PDXDC1: variants seen among roughly 807,000 people sequenced by gnomAD.
PDXDC1 encodes the protein pyridoxal-dependent decarboxylase domain-containing protein 1.
A neutral mutation model predicts 100.1 loss-of-function variants in PDXDC1; 42 were observed. That is an observed-to-expected ratio of 0.42 (90% CI 0.33 to 0.54). The LOEUF is 0.54. PDXDC1 is among the 20% of genes least tolerant of loss of function. The probability of loss-of-function intolerance (pLI) is 0.10; values close to 1 mark genes in which losing one functional copy is unlikely to be tolerated. For missense variants in PDXDC1, 636 were observed against 979.2 expected, an observed-to-expected ratio of 0.65 and a Z score of 4.68; for synonymous variants, 260 against 371.7, an observed-to-expected ratio of 0.70 and a Z score of 3.46.
At chr16:15,005,214 C>A (rs1296115991) in intron 5 of PDXDC1, among the ~76,000 whole-genome samples, 1 of 151,968 alleles carries the variant, frequency 6.6e-6, no homozygotes, top group Non-Finnish European at 1.5e-5. Context: ...AAAAAATTAG[C>A]CGGGCGTGGT....
At chr16:15,077,388 G>C (rs868333406) in intron 16 of PDXDC1, among the ~76,000 whole-genome samples, 3 of 152,046 alleles carry the variant, frequency 2.0e-5, no homozygotes, top group Non-Finnish European at 4.4e-5. Context: ...TACTGTTCTC[G>C]TGATAGTGAA....
chr16:15,133,728 A>C, intron 16 of PDXDC1: 1 of 1,604,718 alleles, frequency 6.2e-7, no homozygotes, highest in South Asian at 1.1e-5. Flanking sequence ...CCATGGCATC[A>C]CGGGAGGGCT....
chr16:15,147,146 G>T, the PDXDC1 span, among the ~76,000 whole-genome samples: 1 of 146,948 alleles, frequency 6.8e-6, no homozygotes, highest in East Asian at 2.0e-4. Context: ...GGGAGAGGTG[G>T]GAGGGGCTGG....
chr16:15,040,307 C>T (rs1567754853), downstream of PDXDC1: 2 of 408,190 alleles, frequency 4.9e-6, no homozygotes, highest in Non-Finnish European at 8.6e-6. Flanking sequence ...CCAAGAGCTG[C>T]TTTCCACATG....
chr16:15,084,429 G>A (rs1207655581), intron 16 of PDXDC1, among the ~76,000 whole-genome samples: 2 of 151,828 alleles, frequency 1.3e-5, no homozygotes, highest in African/African-American at 4.8e-5. Flanking sequence ...ATTGGGGGAG[G>A]ATCTGCATAC....
intron 16 of PDXDC1, chr16:15,128,306 G>A (rs774990312): frequency 6.8e-6 from 11 of 1,610,160 alleles, no homozygotes; most frequent in Admixed American, 1.7e-5. Context: ...CTGTTGCGGT[G>A]GAAGGCTCTG....
chr16:15,029,824 A>G, intron 15 of PDXDC1, 127 bp from the exon 16 acceptor site: 1 of 748,120 alleles, frequency 1.3e-6, no homozygotes, highest in South Asian at 1.8e-5. Context: ...AAGTAATCAG[A>G]CAGTCAAAAG....
chr16:15,038,950 G>C (rs765285328), downstream of PDXDC1, among the ~76,000 whole-genome samples: 1 of 152,290 alleles, frequency 6.6e-6, no homozygotes, highest in Non-Finnish European at 1.5e-5. Context: ...GTGAAAACTT[G>C]AGGCTCAGAG....
In PDXDC1 at chr16:15,037,174, T is replaced by G. The variant is rs756238355; in HGVS notation, c.*899T>G. The G allele has an allele frequency of 2.0e-5, 3 of 152,120 alleles. No homozygotes were observed. Among genetic ancestry groups the G allele is most frequent in the Non-Finnish European group, 4.4e-5 (3 of 68,036 alleles). 9.4% of individuals were successfully genotyped at this position (152,120 alleles called of 1,614,324 possible). On this transcript the variant is annotated 3_prime_UTR_variant, in exon 23 of 23. Transcript: ENST00000396410. ...CCCTGGCAGCTCGCCTGGGCCCAAC[T>G]CAGAAACAGGAGCCAGCAGAGCACT...
intron 1 of PDXDC1, among the ~76,000 whole-genome samples, chr16:14,983,777 A>G (rs1389035070): frequency 1.3e-5 from 2 of 152,282 alleles, no homozygotes; most frequent in East Asian, 3.8e-4. Flanking sequence ...AAAATTGAGG[A>G]ACCGTTTACT....
intron 16 of PDXDC1, among the ~76,000 whole-genome samples, chr16:15,115,002 C>G (rs2047195527): frequency 6.9e-6 from 1 of 144,022 alleles, no homozygotes; most frequent in African/African-American, 2.6e-5. Flanking sequence ...GTGGTGCAAT[C>G]TCGGCTCGCT....
At chr16:15,104,384 G>A (rs781563081) in intron 16 of PDXDC1, 1 of 1,596,510 alleles carries the variant, frequency 6.3e-7, no homozygotes, top group East Asian at 2.2e-5. Context: ...AGGGTGGAAG[G>A]GGAGTGAGCA....
intron 8 of PDXDC1, among the ~76,000 whole-genome samples, chr16:15,015,114 T>C (rs1277842808): frequency 6.6e-6 from 1 of 152,254 alleles, no homozygotes; most frequent in Non-Finnish European, 1.5e-5. Flanking sequence ...ATTTTGTTTT[T>C]GTATTTTTAG....
chr16:15,144,479 TG>T, the PDXDC1 span, among the ~76,000 whole-genome samples: 14 of 151,066 alleles, frequency 9.3e-5, no homozygotes, highest in African/African-American at 3.2e-4. Flanking sequence ...GCCACAACCC[TG>T]GCCCCACGAG....
rs758330284 is a variant in PDXDC1 at position 15,020,662 on chromosome 16, C to T, written c.1089+1697C>T. On this transcript the variant is annotated intron_variant, in intron 12 of 22. Transcript: ENST00000396410. ...CGAGATTGCGCCACTGCACTCCAGC[C>T]AGAGCGAAACTCAGTCTTTTAAAAA... Among the ~76,000 whole-genome samples the T allele has an allele frequency of 1.4e-4, 22 of 151,874 alleles. No homozygotes were observed. In the Middle Eastern group the frequency reaches 0.01, roughly 71 times the overall value.
Position 15,110,162 on chromosome 16 carries a change from G to T in PDXDC1, c.1400-28717G>T, listed in dbSNP as rs866959761. Among the ~76,000 whole-genome samples the T allele has an allele frequency of 2.1e-5, 3 of 145,782 alleles. No individual in the cohort carries two copies. In the South Asian group the frequency reaches 6.5e-4, roughly 32 times the overall value. On this transcript the variant is annotated intron_variant, in intron 16 of 16. Transcript: ENST00000535621. Reference sequence around the variant, plus strand: ...CCCCATCTCAGGAAAAAAAAAAAAAGAGAGAGAGAGACAAAGGAAAACCAA... The same window carrying T: ...CCCCATCTCAGGAAAAAAAAAAAAATAGAGAGAGAGACAAAGGAAAACCAA...
chr16:15,121,993 T>G (rs998362609), intron 16 of PDXDC1: 6 of 261,370 alleles, frequency 2.3e-5, no homozygotes, highest in African/African-American at 1.4e-4. Flanking sequence ...ATACAAAAAT[T>G]AGCCAGGCGT....
intron 8 of PDXDC1, among the ~76,000 whole-genome samples, chr16:15,012,587 G>C (rs1342740301): frequency 6.6e-6 from 1 of 152,266 alleles, no homozygotes; most frequent in African/African-American, 2.4e-5. Context: ...GCTCACACTT[G>C]TAATCCCAAC....
chr16:15,047,735 G>GA, intron 16 of PDXDC1: 3 of 982,808 alleles, frequency 3.1e-6, no homozygotes, highest in Non-Finnish European at 4.9e-6. Context: ...ATGCAGACCA[G>GA]AAAAAAGGTA....
Sources: allele counts gnomAD v4.1 joint callset (sites outside exome capture counted in the v4.1 genomes callset), GRCh38; gene constraint gnomAD v4.1.1; transcripts MANE v1.5; gene names NCBI Gene and HGNC (gene_info 2026-07-23, HGNC 2026-07-21).